Variants in LCORL observed in about 807,000 individuals in gnomAD.
LCORL encodes the protein ligand-dependent nuclear receptor corepressor-like protein.
Under a neutral mutation model 141.8 loss-of-function variants are expected in LCORL, and 41 were observed. That is an observed-to-expected ratio of 0.29 (90% CI 0.23 to 0.38). The LOEUF is 0.38. Among genes scored for constraint, LCORL ranks in the 10% least tolerant of loss-of-function variants. The pLI, the probability that LCORL is intolerant of heterozygous loss-of-function variation, is 1.00. For missense variants in LCORL, 1,759 were observed against 2,035.0 expected (o/e 0.86, Z 2.61); for synonymous variants, 618 against 694.1 (o/e 0.89, Z 1.72).
At chr4:17,916,322 G>C (rs1733402065) in intron 4 of LCORL, among the ~76,000 whole-genome samples, 1 of 152,152 alleles carries the variant, frequency 6.6e-6, no homozygotes, top group Non-Finnish European at 1.5e-5. Flanking sequence ...TCAGTGATTG[G>C]CTTTCTGTGA....
At chr4:17,899,639 A>AT (rs1560310300) in intron 5 of LCORL, among the ~76,000 whole-genome samples, 1 of 152,220 alleles carries the variant, frequency 6.6e-6, no homozygotes, top group East Asian at 1.9e-4. Context: ...ACAACTGGGC[A>AT]TAAGAACCCA....
intron 1 of LCORL, among the ~76,000 whole-genome samples, chr4:17,982,177 A>G (rs1051018789): frequency 2.0e-5 from 3 of 150,320 alleles, no homozygotes; most frequent in African/African-American, 7.4e-5. Flanking sequence ...CAATCTATCA[A>G]TGATGGGCAT....
intron 6 of LCORL, chr4:17,880,699 C>T (rs1727449936): frequency 7.2e-6 from 7 of 972,816 alleles, no homozygotes; most frequent in Non-Finnish European, 8.5e-6. Context: ...AAGTGCTTTA[C>T]TACAAATTAC....
chr4:17,955,855 C>G (rs1712513297), intron 4 of LCORL, among the ~76,000 whole-genome samples: 1 of 152,078 alleles, frequency 6.6e-6, no homozygotes, highest in South Asian at 2.1e-4. Context: ...AGCACAGTAT[C>G]TGAACTGAGT....
chr4:17,891,849 G>A (rs139013847), intron 5 of LCORL, among the ~76,000 whole-genome samples: 4 of 152,240 alleles, frequency 2.6e-5, no homozygotes, highest in East Asian at 3.9e-4. Context: ...TTGATAAAGC[G>A]TCGAGCAGTT....
Position 17,962,040 on chromosome 4 carries a change from T to C in LCORL, c.301-8A>G. ...AAGAGATGGTATACAATCCTAAAAG[T>C]ATAAGAAAACAACAACATACAGAAT... On this transcript the variant is annotated splice_region_variant and splice_polypyrimidine_tract_variant and intron_variant, in intron 3 of 7. Transcript: ENST00000635767. 2 of 1,563,316 alleles carry C rather than the reference T, an allele frequency of 1.3e-6. No homozygotes were observed. Among genetic ancestry groups the C allele is most frequent in the South Asian group, 2.4e-5 (2 of 81,940 alleles).
chr4:17,937,499 C>G (rs902953220), intron 4 of LCORL, among the ~76,000 whole-genome samples: 4 of 152,154 alleles, frequency 2.6e-5, no homozygotes, highest in Admixed American at 1.3e-4. Flanking sequence ...TTCTCAAAGT[C>G]ATAATAAACA....
intron 1 of LCORL, among the ~76,000 whole-genome samples, chr4:17,985,697 G>A (rs1718833338): frequency 3.9e-5 from 6 of 152,020 alleles, no homozygotes; most frequent in Admixed American, 3.9e-4. Context: ...CATACCATTG[G>A]GTCTTGCTTT....
intron 2 of LCORL, among the ~76,000 whole-genome samples, chr4:17,968,556 A>G (rs1313706951): frequency 1.3e-5 from 2 of 152,228 alleles, no homozygotes; most frequent in African/African-American, 2.4e-5. Context: ...ACATGATATT[A>G]AGCCAAGTAT....
chr4:17,907,477 C>T (rs972148331), intron 5 of LCORL, among the ~76,000 whole-genome samples: 7 of 152,096 alleles, frequency 4.6e-5, no homozygotes, highest in Non-Finnish European at 8.8e-5. Context: ...CATACCAAAG[C>T]CTATGTTCTA....
At chr4:17,969,570 T>C (rs952569455) in intron 2 of LCORL, among the ~76,000 whole-genome samples, 9 of 152,138 alleles carry the variant, frequency 5.9e-5, no homozygotes, top group African/African-American at 2.2e-4. Flanking sequence ...TATAATTAAC[T>C]TAAATGTATA....
intron 1 of LCORL, among the ~76,000 whole-genome samples, chr4:17,999,583 C>T (rs1050319551): frequency 6.6e-6 from 1 of 152,142 alleles, no homozygotes; most frequent in African/African-American, 2.4e-5. Context: ...TTACGTAGAA[C>T]ATGACTATAC....
intron 7 of LCORL, among the ~76,000 whole-genome samples, chr4:17,859,981 C>T (rs1468542120): frequency 1.3e-5 from 2 of 152,196 alleles, no homozygotes; most frequent in South Asian, 4.1e-4. Context: ...TCAGAGATGA[C>T]ACAAACAAAT....
intron 1 of LCORL, among the ~76,000 whole-genome samples, chr4:17,985,849 T>C (rs1015823892): frequency 3.9e-5 from 6 of 152,206 alleles, no homozygotes; most frequent in Admixed American, 6.5e-5. Flanking sequence ...GTGGTTGCTT[T>C]ACAGTGTCAC....
intron 4 of LCORL, among the ~76,000 whole-genome samples, chr4:17,950,962 A>C (rs1445533199): frequency 1.3e-5 from 2 of 152,176 alleles, no homozygotes; most frequent in Admixed American, 6.5e-5. Flanking sequence ...CAGTTTATTC[A>C]TTCTGAGTTT....
intron 7 of LCORL, among the ~76,000 whole-genome samples, chr4:17,858,664 G>T (rs981204014): frequency 6.6e-6 from 1 of 151,824 alleles, no homozygotes; most frequent in East Asian, 1.9e-4. Flanking sequence ...GGAGGTGGAG[G>T]TTGCGGTGAG....
chr4:17,895,664 C>T (rs1729813780), intron 5 of LCORL, among the ~76,000 whole-genome samples: 1 of 152,176 alleles, frequency 6.6e-6, no homozygotes, highest in South Asian at 2.1e-4. Flanking sequence ...ATTTTCTCCA[C>T]CCTAGAAAGA....
chr4:17,925,713 T>C lies in LCORL; in HGVS notation c.431-16368A>G, dbSNP rs543572913. ...GGTGAAACCCCGTCTCTACTAAAAA[T>C]ACAAAAAATTAGCCAGGTGTGGTGG... On this transcript the variant is annotated intron_variant, in intron 4 of 7. Coordinates refer to ENST00000635767, the Ensembl canonical transcript of LCORL. Among the ~76,000 whole-genome samples, 7 of 151,712 alleles carry C rather than the reference T, an allele frequency of 4.6e-5. No homozygotes were observed. The South Asian group carries it at 1.5e-3, about 32-fold the overall frequency.
At chr4:17,874,782 T>C in exon 7 of LCORL, 1 of 1,233,900 alleles carries the variant, frequency 8.1e-7, no homozygotes, top group Non-Finnish European at 1.0e-6. Flanking sequence ...TACTAATTTA[T>C]TATCTTCCAA....
Sources: gnomAD v4.1 joint callset for allele counts (sites outside exome capture counted in the v4.1 genomes callset) on GRCh38, gnomAD v4.1.1 for gene constraint, MANE v1.5 for transcripts, NCBI Gene and HGNC (gene_info 2026-07-23, HGNC 2026-07-21) for gene names.